Variants in EEF2K observed in about 807,000 individuals in gnomAD.
The protein encoded by EEF2K is alternative protein EEF2K.
EEF2K carries 70 observed loss-of-function variants against 93.8 expected under a neutral mutation model. The observed-to-expected ratio is 0.75, with a 90% CI of 0.62 to 0.91. The LOEUF is 0.91. Among genes scored for constraint, EEF2K ranks in the 40% least tolerant of loss-of-function variants. EEF2K has a pLI of 0.00. For missense variants in EEF2K, 935 were observed against 972.9 expected (o/e 0.96, Z 0.52); for synonymous variants, 376 against 380.8 (o/e 0.99, Z 0.15).
In EEF2K at chr16:22,272,299, A is replaced by C. The variant is rs762263653; in HGVS notation, c.1765-1327A>C. On this transcript the variant is annotated intron_variant, in intron 15 of 17. Coordinates refer to ENST00000263026, the MANE Select transcript of EEF2K (RefSeq NM_013302.5). The stretch of plus-strand genomic sequence containing the variant: ...CAACCCAAATGTCTGTCAGTGGATG[A>C]ATGGATAAACGAAATGTGATACAGC... 5.5e-4 allele frequency among the ~76,000 whole-genome samples: 84 copies of C among 152,218 alleles called. 2 individuals are homozygous for C. Among genetic ancestry groups the C allele is most frequent in the Non-Finnish European group, 1.5e-4 (10 of 68,026 alleles).
intron 13 of EEF2K, 28 bp from the exon 14 acceptor site, chr16:22,266,362 G>A (rs770460840): frequency 2.9e-5 from 46 of 1,600,446 alleles, no homozygotes; most frequent in Admixed American, 5.2e-5. Flanking sequence ...CCAGCCCCTC[G>A]CTTCCCTGGC....
intron 17 of EEF2K, among the ~76,000 whole-genome samples, chr16:22,280,665 T>G (rs1439885885): frequency 8.1e-6 from 1 of 123,942 alleles, no homozygotes; most frequent in Non-Finnish European, 1.5e-5. Flanking sequence ...CTTTCTTTCT[T>G]TTTTTTTTTT....
At chr16:22,217,733 G>A (rs1162394453) in intron 1 of EEF2K, among the ~76,000 whole-genome samples, 9 of 152,136 alleles carry the variant, frequency 5.9e-5, no homozygotes, top group African/African-American at 1.9e-4. Flanking sequence ...GATTACAGGC[G>A]TGAGCCACCG....
intron 5 of EEF2K, among the ~76,000 whole-genome samples, chr16:22,250,911 T>C (rs1378187590): frequency 6.6e-6 from 1 of 152,164 alleles, no homozygotes; most frequent in Non-Finnish European, 1.5e-5. Context: ...ACCTCTGCCC[T>C]GGTGTTGGGA....
rs2047530897 is a variant in EEF2K, at chr16:22,266,936, C to T, written c.1764+60C>T. On this transcript the variant is annotated intron_variant, in intron 15 of 17. Coordinates refer to ENST00000263026, the MANE Select transcript of EEF2K (RefSeq NM_013302.5). ...GGTGGGACTTGGTCACCCTGTGGTT[C>T]ACCTGCCTCCCATCCTGGAAGTCAT... is the stretch of plus-strand genomic sequence containing the variant. 1.8e-5 allele frequency: 28 copies of T among 1,530,956 alleles called. No homozygotes were observed. The South Asian group carries it at 3.3e-4, about 18-fold the overall frequency. 94.8% of individuals were successfully genotyped at this position (1,530,956 alleles called of 1,614,324 possible). A position where few individuals can be genotyped will look rare whatever the true frequency, so the allele number is the denominator to read the frequency against.
chr16:22,258,413 G>T (rs1308199910), intron 9 of EEF2K, 81 bp from the exon 10 acceptor site: 5 of 1,452,824 alleles, frequency 3.4e-6, no homozygotes, highest in Non-Finnish European at 4.8e-6. Context: ...GGGGTTTCAG[G>T]GTTAGAGGGA....
intron 2 of EEF2K, among the ~76,000 whole-genome samples, chr16:22,229,159 A>G (rs184576696): frequency 8.6e-5 from 13 of 152,002 alleles, no homozygotes; most frequent in African/African-American, 2.9e-4. Flanking sequence ...ACAAAAAACA[A>G]AAACCTCATA....
At chr16:22,265,117 A>C (rs1047274429) in intron 13 of EEF2K, 15 of 473,976 alleles carry the variant, frequency 3.2e-5, no homozygotes, top group Middle Eastern at 5.4e-4. Context: ...CCTGGAGGGG[A>C]AATCACCACA....
chr16:22,238,666 GGA>G (rs1491574153), intron 2 of EEF2K, among the ~76,000 whole-genome samples: 1 of 95,808 alleles, frequency 1.0e-5, no homozygotes, highest in African/African-American at 4.6e-5. Flanking sequence ...AAAGAAAAAA[GGA>G]AAAAAAAAAA....
chr16:22,263,045 A>G (rs530961208), intron 11 of EEF2K, 65 bp from the exon 12 acceptor site: 1 of 1,479,520 alleles, frequency 6.8e-7, no homozygotes, highest in African/African-American at 1.4e-5. Context: ...GGGTGTTGAG[A>G]TGTCATAACC....
At chr16:22,247,072 C>G (rs1198409825) in intron 3 of EEF2K, among the ~76,000 whole-genome samples, 7 of 95,444 alleles carry the variant, frequency 7.3e-5, no homozygotes, top group Non-Finnish European at 1.3e-4. Context: ...AAAAAAGAAA[C>G]TAGAATTGCC....
At chr16:22,260,363 A>G (rs62044786) in intron 10 of EEF2K, 99 bp from the exon 11 acceptor site, 3 of 1,101,174 alleles carry the variant, frequency 2.7e-6, no homozygotes, top group African/African-American at 1.7e-5. Context: ...AAAAAAAAAA[A>G]GGCTTGGTGG....
chr16:22,264,891 C>CTGAG lies in EEF2K; in HGVS notation c.1440+12_1440+15dup. 1 of 1,613,946 alleles carries CTGAG rather than the reference C, an allele frequency of 6.2e-7. No homozygotes were observed. Among genetic ancestry groups the CTGAG allele is most frequent in the Non-Finnish European group, 8.5e-7 (1 of 1,179,910 alleles). Reference sequence around the variant, plus strand: ...GGCAGCTCTGGACGGGTAATGCGCCCTGAGGCACCCTTGTCTCTGCCTCTT... The same window carrying CTGAG: ...GGCAGCTCTGGACGGGTAATGCGCCCTGAGTGAGGCACCCTTGTCTCTGCCTCTT... On this transcript the variant is annotated intron_variant, in intron 13 of 17. Transcript: ENST00000263026.
chr16:22,248,416 A>G (rs1181611231), intron 3 of EEF2K, among the ~76,000 whole-genome samples: 2 of 152,148 alleles, frequency 1.3e-5, no homozygotes, highest in Non-Finnish European at 2.9e-5. Context: ...TAAGACAGAC[A>G]TGGGTCTGCT....
At chr16:22,271,301 G>T (rs2047579455) in intron 15 of EEF2K, among the ~76,000 whole-genome samples, 1 of 152,078 alleles carries the variant, frequency 6.6e-6, no homozygotes, top group South Asian at 2.1e-4. Context: ...CATTCAGCCA[G>T]TGGTGTGCTG....
intron 13 of EEF2K, 120 bp from the exon 14 acceptor site, chr16:22,266,270 C>G (rs1240898420): frequency 1.1e-5 from 16 of 1,403,436 alleles, no homozygotes; most frequent in South Asian, 3.0e-5. Context: ...ACTTTGACAT[C>G]GTGAGGGTTC....
In EEF2K at chr16:22,283,990, G is replaced by A. The variant is rs189399872; in HGVS notation, c.2172G>A (p.Glu724=). Residue 724 remains glutamate (E), a synonymous_variant, in exon 18 of 18, where the codon GAG becomes GAA. Coordinates refer to ENST00000263026, the MANE Select transcript of EEF2K (RefSeq NM_013302.5). ...QKAEEAWAQM[E]E ...CTGAAGAGGCCTGGGCCCAGATGGA[G>A]GAGTAACCAGGAAAATCACTGCCGG... is the stretch of plus-strand genomic sequence containing the variant. 3.4e-5 allele frequency: 53 copies of A among 1,572,642 alleles called. No homozygotes were observed. The highest frequency in any genetic ancestry group is 4.3e-5 in the Non-Finnish European group (50 of 1,158,464).
intron 1 of EEF2K, among the ~76,000 whole-genome samples, chr16:22,212,006 C>G (rs944178928): frequency 1.3e-5 from 2 of 151,760 alleles, no homozygotes; most frequent in South Asian, 2.1e-4. Context: ...GTGCTGTATC[C>G]CTGAGCTGAC....
chr16:22,225,692 G>A lies in EEF2K; in HGVS notation c.-38G>A, dbSNP rs768907973. The A allele has an allele frequency of 1.9e-6, 3 of 1,606,078 alleles. No homozygotes were observed. In the Admixed American group the frequency reaches 5.0e-5, roughly 27 times the overall value. On this transcript the variant is annotated 5_prime_UTR_variant, in exon 2 of 18. Transcript: ENST00000263026. The stretch of plus-strand genomic sequence containing the variant: ...GCATTTGTCCAGTAACTCTGGCTGT[G>A]CCGGATACTGCTTGGGTAAAACGGG...
Sources: gnomAD v4.1 joint callset for allele counts (sites outside exome capture counted in the v4.1 genomes callset) on GRCh38, gnomAD v4.1.1 for gene constraint, MANE v1.5 for transcripts, NCBI Gene and HGNC (gene_info 2026-07-23, HGNC 2026-07-21) for gene names.